The following LPP variants were observed in gnomAD, a reference collection of about 807,000 sequenced individuals.
The protein encoded by LPP is lipoma-preferred partner.
LPP carries 38 observed loss-of-function variants against 60.4 expected under a neutral mutation model. The observed-to-expected ratio is 0.63, with a 90% CI of 0.49 to 0.83. LPP has a LOEUF of 0.83. Among genes scored for constraint, LPP ranks in the 40% least tolerant of loss-of-function variants. The pLI is 0.00. For missense variants in LPP, 902 were observed against 783.6 expected (o/e 1.15, Z -1.80); for synonymous variants, 328 against 290.8 (o/e 1.13, Z -1.30).
At position 188,878,124 on chromosome 3, in the gene LPP, C is replaced by T. The variant is rs1769464799; in HGVS notation, c.*3645C>T. 9.0e-6 allele frequency: 2 copies of T among 221,070 alleles called. No individual in the cohort carries two copies. The highest frequency in any genetic ancestry group is 4.5e-5 in the African/African-American group (2 of 44,610). 13.7% of individuals were successfully genotyped at this position (221,070 alleles called of 1,614,324 possible). A position where few individuals can be genotyped will look rare whatever the true frequency, so the allele number is the denominator to read the frequency against. On this transcript the variant is annotated 3_prime_UTR_variant, in exon 12 of 12. Transcript: ENST00000617246. ...GAATATAGACAGGACTCTGAAAACACAACTTCCAGCCATTTTTTTAGTTAG... is the reference window on the plus strand; with the variant it reads ...GAATATAGACAGGACTCTGAAAACATAACTTCCAGCCATTTTTTTAGTTAG...
At chr3:188,404,002 A>G (rs573694630) in intron 3 of LPP, among the ~76,000 whole-genome samples, 2 of 152,256 alleles carry the variant, frequency 1.3e-5, no homozygotes, top group African/African-American at 2.4e-5. Flanking sequence ...CTTCAATAGC[A>G]TGTGTCCTGA....
intron 7 of LPP, among the ~76,000 whole-genome samples, chr3:188,681,735 T>C (rs1224080358): frequency 6.6e-6 from 1 of 152,228 alleles, no homozygotes; most frequent in African/African-American, 2.4e-5. Context: ...TGTGTAATAA[T>C]GTTAAATAAT....
At chr3:188,248,468 T>TTATATATATATA (rs55811112) in intron 2 of LPP, among the ~76,000 whole-genome samples, 2,546 of 83,916 alleles carry the variant, frequency 0.03, 150 homozygotes, top group East Asian at 0.047. Flanking sequence ...CAGTATAACT[T>TTATATATATATA]TATATATATA....
At chr3:188,499,926 T>C (rs1811338015) in intron 5 of LPP, among the ~76,000 whole-genome samples, 1 of 152,174 alleles carries the variant, frequency 6.6e-6, no homozygotes, top group Non-Finnish European at 1.5e-5. Flanking sequence ...TCATTGTTGA[T>C]ACAAATGTAA....
rs1770385144 is a variant in LPP at position 188,884,132 on chromosome 3, C to T, written c.*9653C>T. ...TCCTAAGAGAGCTTACAAACTGCTT[C>T]CACACAGAAAATAGCGCAGGGAGGA... On this transcript the variant is annotated 3_prime_UTR_variant, in exon 12 of 12. Coordinates refer to ENST00000617246, the MANE Select transcript of LPP (RefSeq NM_001375462.1). The T allele has an allele frequency of 4.4e-6, 1 of 225,456 alleles. No homozygotes were observed. The allele number at this position is 225,456 out of a possible 1,614,324, so 14.0% of individuals were successfully genotyped here.
intron 9 of LPP, among the ~76,000 whole-genome samples, chr3:188,800,097 G>A (rs1746567008): frequency 1.3e-5 from 2 of 150,404 alleles, no homozygotes; most frequent in Admixed American, 1.3e-4. Context: ...AGTATTTTTA[G>A]TGATATAGAA....
chr3:188,675,351 A>G (rs1377879230), intron 7 of LPP, among the ~76,000 whole-genome samples: 1 of 152,222 alleles, frequency 6.6e-6, no homozygotes, highest in Non-Finnish European at 1.5e-5. Context: ...ATTTTTCATT[A>G]GTTGGCTTCC....
intron 7 of LPP, among the ~76,000 whole-genome samples, chr3:188,616,863 T>G (rs1844943695): frequency 6.6e-6 from 1 of 152,194 alleles, no homozygotes; most frequent in Non-Finnish European, 1.5e-5. Context: ...AAATGGTATT[T>G]TAAAATTTGT....
chr3:188,509,298 C>T (rs1425211192), intron 5 of LPP, among the ~76,000 whole-genome samples: 1 of 152,166 alleles, frequency 6.6e-6, no homozygotes, highest in Non-Finnish European at 1.5e-5. Context: ...CTTATTTCAC[C>T]TGGTCTCCAA....
chr3:188,887,364 T>G lies in LPP; in HGVS notation c.*12885T>G, dbSNP rs970629042. ...GACAGCAATGCTCACTTAGTAATTA[T>G]AAACTGGAAATAGGAGAGTAGCTTG... On this transcript the variant is annotated 3_prime_UTR_variant, in exon 12 of 12. Coordinates refer to ENST00000617246, the MANE Select transcript of LPP (RefSeq NM_001375462.1). 6 of 216,206 alleles carry G rather than the reference T, an allele frequency of 2.8e-5. No individual in the cohort carries two copies. The highest frequency in any genetic ancestry group is 1.7e-4 in the Admixed American group (3 of 17,224). The allele number at this position is 216,206 out of a possible 1,614,324, so 13.4% of individuals were successfully genotyped here.
At position 188,715,466 on chromosome 3, in the gene LPP, A is replaced by G. The variant is rs112445758; in HGVS notation, c.1240+7073A>G. On this transcript the variant is annotated intron_variant, in intron 8 of 11. Transcript: ENST00000617246. Reference sequence around the variant, plus strand: ...ATAATTTAGAGTCAATTCAGAGCTTATAATAGAAAATGGAAAACTTTTAAA... The same window carrying G: ...ATAATTTAGAGTCAATTCAGAGCTTGTAATAGAAAATGGAAAACTTTTAAA... 7.3e-3 allele frequency among the ~76,000 whole-genome samples: 1,101 copies of G among 151,448 alleles called. 15 individuals are homozygous for G. The highest frequency in any genetic ancestry group is 0.025 in the African/African-American group (1,053 of 41,358).
chr3:188,388,787 A>C (rs944620669), intron 3 of LPP, among the ~76,000 whole-genome samples: 4 of 152,214 alleles, frequency 2.6e-5, no homozygotes, highest in Non-Finnish European at 5.9e-5. Context: ...GTAACTTTTA[A>C]GTTTACACCT....
At chr3:188,789,197 A>T (rs1165230887) in intron 9 of LPP, among the ~76,000 whole-genome samples, 1 of 152,220 alleles carries the variant, frequency 6.6e-6, no homozygotes, top group African/African-American at 2.4e-5. Flanking sequence ...ATATAGTGTA[A>T]ACATAACCTT....
At chr3:188,769,016 G>C (rs916428063) in intron 9 of LPP, among the ~76,000 whole-genome samples, 2 of 152,094 alleles carry the variant, frequency 1.3e-5, no homozygotes, top group Non-Finnish European at 2.9e-5. Flanking sequence ...TTGGAATAAT[G>C]AAAGTTTAGT....
At chr3:188,802,837 A>G (rs1301476266) in intron 9 of LPP, among the ~76,000 whole-genome samples, 1 of 152,124 alleles carries the variant, frequency 6.6e-6, no homozygotes, top group Non-Finnish European at 1.5e-5. Flanking sequence ...AAATTTACAT[A>G]TCATAAAAGT....
At chr3:188,344,596 C>G (rs576170289) in intron 3 of LPP, among the ~76,000 whole-genome samples, 7 of 152,256 alleles carry the variant, frequency 4.6e-5, no homozygotes, top group Admixed American at 4.6e-4. Flanking sequence ...CCTAGCTAGT[C>G]CCTTCTCTCT....
chr3:188,576,738 GGGA>G (rs1371540677), intron 6 of LPP, among the ~76,000 whole-genome samples: 3 of 152,276 alleles, frequency 2.0e-5, no homozygotes, highest in East Asian at 1.9e-4. Context: ...AGAGTAATCA[GGGA>G]GGAGAAGAGG....
At chr3:188,366,334 G>A (rs574231836) in intron 3 of LPP, among the ~76,000 whole-genome samples, 2 of 152,302 alleles carry the variant, frequency 1.3e-5, no homozygotes, top group African/African-American at 4.8e-5. Flanking sequence ...GAATAACGCA[G>A]CAGTGAACAT....
At chr3:188,672,947 G>A (rs1353567313) in intron 7 of LPP, among the ~76,000 whole-genome samples, 1 of 149,586 alleles carries the variant, frequency 6.7e-6, no homozygotes, top group African/African-American at 2.5e-5. Context: ...GGAAAAAATT[G>A]TTTTCTTTTA....
Sources: gnomAD v4.1 joint callset for allele counts (sites outside exome capture counted in the v4.1 genomes callset) on GRCh38, gnomAD v4.1.1 for gene constraint, MANE v1.5 for transcripts, NCBI Gene and HGNC (gene_info 2026-07-23, HGNC 2026-07-21) for gene names.